TEX101: variants seen among roughly 807,000 people sequenced by gnomAD.
TEX101 encodes the protein testis expressed 101, also known as testis-expressed protein 101.
A neutral mutation model predicts 18.1 loss-of-function variants in TEX101; 10 were observed. The ratio of observed to expected loss-of-function variants is 0.55; its 90% confidence interval spans 0.34 to 0.94. TEX101 has a LOEUF of 0.94. Among genes scored for constraint, TEX101 ranks in the 40% least tolerant of loss-of-function variants. The pLI, the probability that TEX101 is intolerant of heterozygous loss-of-function variation, is 0.02. For missense variants in TEX101, 259 were observed against 298.9 expected (o/e 0.87, Z 0.98); for synonymous variants, 94 against 114.8 (o/e 0.82, Z 1.16).
chr19:43,407,777 C>T (rs940221244), intron 3 of TEX101, among the ~76,000 whole-genome samples: 9 of 152,210 alleles, frequency 5.9e-5, no homozygotes, highest in African/African-American at 1.4e-4. Flanking sequence ...GATAGCCGGT[C>T]GTCGCCAACA....
chr19:43,406,501 C>T (rs1170544727), exon 3 of TEX101: 4 of 756,956 alleles, frequency 5.3e-6, no homozygotes, highest in Non-Finnish European at 9.8e-6. Flanking sequence ...TCTTCAGTTC[C>T]CGCATGGGGG....
At chr19:43,397,335 T>C (rs774264794), upstream of TEX101, among the ~76,000 whole-genome samples, 2 of 152,136 alleles carry the variant, frequency 1.3e-5, no homozygotes, top group Admixed American at 6.6e-5. Flanking sequence ...TGCTGTCCTG[T>C]GCCTGGGGTG....
At chr19:43,400,013 C>A (rs1440251767), upstream of TEX101, among the ~76,000 whole-genome samples, 1 of 152,080 alleles carries the variant, frequency 6.6e-6, no homozygotes, top group Non-Finnish European at 1.5e-5. Context: ...CAGGGTTTCA[C>A]CATGTTGGCC....
chr19:43,390,932 C>G, the TEX101 span, among the ~76,000 whole-genome samples: 2 of 152,114 alleles, frequency 1.3e-5, no homozygotes, highest in Non-Finnish European at 2.9e-5. Context: ...CCACTGACAA[C>G]CACCTTTTCA....
Position 43,416,401 on chromosome 19 carries a change from G to A in TEX101, c.237G>A (p.Lys79=), listed in dbSNP as rs771953894. 3 of 1,614,056 alleles carry A rather than the reference G, an allele frequency of 1.9e-6. No individual in the cohort carries two copies. Among genetic ancestry groups the A allele is most frequent in the Non-Finnish European group, 2.5e-6 (3 of 1,179,968 alleles). ...CTGAGACAGCCATTTTGGCCACGAAGGGCTGCATCCCGGAAGGGGAGGAGG... is the reference window on the plus strand; with the variant it reads ...CTGAGACAGCCATTTTGGCCACGAAAGGCTGCATCCCGGAAGGGGAGGAGG... ...AGTETAILAT[K]GCIPEGEEAI... The change falls in exon 4 of 6, where the codon AAG becomes AAA. Residue 79 remains lysine, a synonymous_variant. Coordinates refer to ENST00000598265, the MANE Select transcript of TEX101 (RefSeq NM_001130011.3).
chr19:43,393,356 A>C, the TEX101 span, among the ~76,000 whole-genome samples: 6 of 152,186 alleles, frequency 3.9e-5, no homozygotes, highest in Non-Finnish European at 8.8e-5. Context: ...CACAGCCTGC[A>C]TCCCATCCAT....
At chr19:43,406,128 T>A (rs1244003644) in intron 2 of TEX101, 9 of 149,770 alleles carry the variant, frequency 6.0e-5, no homozygotes, top group African/African-American at 8.3e-5. Flanking sequence ...ACGCCTGTAA[T>A]CCTAGCACTT....
chr19:43,415,892 C>T lies in TEX101; in HGVS notation c.-28C>T. On this transcript the variant is annotated 5_prime_UTR_variant, in exon 2 of 6. Coordinates refer to ENST00000598265, the MANE Select transcript of TEX101 (RefSeq NM_001130011.3). ...CATCAAATTCACAGATCCAGACCAG[C>T]TCCTCCCAGACCTCTCCAGAAGAAG... 1 of 1,614,092 alleles carries T rather than the reference C, an allele frequency of 6.2e-7. No individual in the cohort carries two copies. The highest frequency in any genetic ancestry group is 8.5e-7 in the Non-Finnish European group (1 of 1,180,006).
At chr19:43,413,814 G>A (rs1970441340), upstream of TEX101, among the ~76,000 whole-genome samples, 2 of 152,246 alleles carry the variant, frequency 1.3e-5, no homozygotes, top group Non-Finnish European at 1.5e-5. Context: ...TTAGCCAGGT[G>A]TGGTGGCAGG....
upstream of TEX101, chr19:43,414,742 C>T (rs1395690474): frequency 8.1e-6 from 6 of 740,734 alleles, no homozygotes; most frequent in Non-Finnish European, 8.2e-6. Flanking sequence ...AGCATGCGCA[C>T]CCTCCGAGAT....
At chr19:43,392,091 GGAGA>G in the TEX101 span, among the ~76,000 whole-genome samples, 1 of 151,934 alleles carries the variant, frequency 6.6e-6, no homozygotes, top group Non-Finnish European at 1.5e-5. Context: ...GGGCAGGGAT[GGAGA>G]GAGAGAGAAA....
chr19:43,390,050 G>A, the TEX101 span, among the ~76,000 whole-genome samples: 4 of 152,174 alleles, frequency 2.6e-5, no homozygotes, highest in African/African-American at 9.7e-5. Context: ...CCTGGGATGT[G>A]CTCCAGCTGC....
upstream of TEX101, among the ~76,000 whole-genome samples, chr19:43,412,769 AT>A (rs924748404): frequency 3.9e-5 from 6 of 152,142 alleles, no homozygotes; most frequent in Admixed American, 2.6e-4. Context: ...TTATTGTGGC[AT>A]TTTCTCTATT....
the TEX101 span, among the ~76,000 whole-genome samples, chr19:43,388,724 A>C: frequency 1.3e-5 from 2 of 152,200 alleles, no homozygotes. Context: ...TTGGCTGGAT[A>C]CAAAGGTGGG....
chr19:43,410,453 C>G (rs148861057), upstream of TEX101, among the ~76,000 whole-genome samples: 9 of 152,048 alleles, frequency 5.9e-5, no homozygotes, highest in African/African-American at 1.7e-4. Flanking sequence ...GGCTGGTCTC[C>G]AAGACCAGTG....
the TEX101 span, among the ~76,000 whole-genome samples, chr19:43,392,252 A>T: frequency 6.6e-6 from 1 of 152,262 alleles, no homozygotes; most frequent in South Asian, 2.1e-4. Context: ...GAGAACTCAA[A>T]GAGCCAGAGC....
chr19:43,393,655 A>G, the TEX101 span, among the ~76,000 whole-genome samples: 2 of 152,194 alleles, frequency 1.3e-5, no homozygotes, highest in African/African-American at 4.8e-5. Flanking sequence ...ACAGATCAGC[A>G]TTAATTGAGT....
intron 3 of TEX101, among the ~76,000 whole-genome samples, chr19:43,407,397 A>T (rs532155509): frequency 1.1e-4 from 17 of 152,214 alleles, no homozygotes; most frequent in African/African-American, 3.6e-4. Flanking sequence ...AGGCAGGAGA[A>T]TCACTTGAAC....
chr19:43,415,069 C>A (rs1970458235), intron 1 of TEX101, 31 bp downstream of exon 1: 1 of 985,344 alleles, frequency 1.0e-6, no homozygotes, highest in Non-Finnish European at 1.2e-6. Flanking sequence ...CAGATCCTGG[C>A]TCTGAGGGGA....
Sources: gnomAD v4.1 joint callset for allele counts (sites outside exome capture counted in the v4.1 genomes callset) on GRCh38, gnomAD v4.1.1 for gene constraint, MANE v1.5 for transcripts, NCBI Gene and HGNC (gene_info 2026-07-23, HGNC 2026-07-21) for gene names.